SCAF8: variants seen among roughly 807,000 people sequenced by gnomAD.
SCAF8 encodes the protein SR-related and CTD-associated factor 8.
A neutral mutation model predicts 140.5 loss-of-function variants in SCAF8; 23 were observed. The observed-to-expected ratio is 0.16, with a 90% CI of 0.12 to 0.23. The LOEUF is 0.23. Ranked by LOEUF, SCAF8 falls within the 10% of genes least tolerant of loss-of-function variation. The pLI is 1.00. For synonymous variants in SCAF8, 575 were observed against 528.9 expected (o/e 1.09, Z -1.20); for missense variants, 1,397 against 1,555.7 (o/e 0.90, Z 1.72).
Position 154,789,771 on chromosome 6 carries a change from T to C in SCAF8, c.321+1749T>C, listed in dbSNP as rs538954285. On this transcript the variant is annotated intron_variant, in intron 4 of 19. Transcript: ENST00000367178. ...CGTGTTAGCCAGGATGGTCTCGATCTCCTGACCTCGTGATCCGCCTGCCTT... is the reference window on the plus strand; with the variant it reads ...CGTGTTAGCCAGGATGGTCTCGATCCCCTGACCTCGTGATCCGCCTGCCTT... Among the ~76,000 whole-genome samples the C allele has an allele frequency of 2.0e-5, 3 of 152,220 alleles. No individual in the cohort carries two copies. In the South Asian group the frequency reaches 6.2e-4, roughly 32 times the overall value.
intron 1 of SCAF8, among the ~76,000 whole-genome samples, chr6:154,765,155 T>G (rs1317103314): frequency 1.3e-5 from 2 of 152,178 alleles, no homozygotes; most frequent in Non-Finnish European, 2.9e-5. Context: ...GTACTGGTTG[T>G]TAGTTATAGT....
intron 17 of SCAF8, among the ~76,000 whole-genome samples, chr6:154,826,445 G>C (rs1583070832): frequency 6.6e-6 from 1 of 152,206 alleles, no homozygotes; most frequent in East Asian, 1.9e-4. Context: ...TTATAATTAG[G>C]ATTGTGAGAG....
In SCAF8 at chr6:154,795,024, C is replaced by T. The variant is rs1368032090; in HGVS notation, c.491C>T (p.Pro164Leu). 4 of 1,604,846 alleles carry T rather than the reference C, an allele frequency of 2.5e-6. No individual in the cohort carries two copies. The highest frequency in any genetic ancestry group is 2.5e-6 in the Non-Finnish European group (3 of 1,177,104). ...TTTTTAAAAGGAACTCCTGTGACACCTGTTACTCCGGCCAATGTGGTCCAA... is the reference window on the plus strand; with the variant it reads ...TTTTTAAAAGGAACTCCTGTGACACTTGTTACTCCGGCCAATGTGGTCCAA... ...MSNTPGTPVTPVTPANVVQGL... is the reference protein window; with the variant it reads ...MSNTPGTPVTLVTPANVVQGL... Residue 164 changes from proline (P) to leucine (L), a missense_variant, in exon 6 of 20, where the codon CCT becomes CTT. By Grantham distance (98) the Pro-to-Leu change is moderately conservative. This residue lies in a region of SCAF8 where 339 missense variants were observed against 407.5 expected (regional missense o/e 0.83). Coordinates refer to ENST00000367178, the MANE Select transcript of SCAF8 (RefSeq NM_014892.5).
intron 6 of SCAF8, among the ~76,000 whole-genome samples, chr6:154,798,706 G>T (rs778819653): frequency 6.6e-6 from 1 of 151,316 alleles, no homozygotes; most frequent in Non-Finnish European, 1.5e-5. Flanking sequence ...ACTTCAGGTA[G>T]CATGACCCTT....
chr6:154,737,866 G>A (rs767048156), intron 1 of SCAF8, among the ~76,000 whole-genome samples: 32 of 152,154 alleles, frequency 2.1e-4, no homozygotes, highest in Admixed American at 5.2e-4. Context: ...ACAGGCCTAA[G>A]CCGTGGTGCC....
In SCAF8 at chr6:154,832,846, A is replaced by G. The variant is rs1386739932; in HGVS notation, c.3267A>G (p.Pro1089=). The part of the protein sequence containing the change: ...LGRRDHFGFN[P]EKPWGHRGDF... Reference sequence around the variant, plus strand: ...GAAGAGACCACTTTGGCTTTAATCCAGAGAAGCCCTGGGGGCATAGAGGAG... The same window carrying G: ...GAAGAGACCACTTTGGCTTTAATCCGGAGAAGCCCTGGGGGCATAGAGGAG... Residue 1089 remains proline (P), a synonymous_variant, in exon 20 of 20, where the codon CCA becomes CCG. Transcript: ENST00000367178. 1 of 1,614,066 alleles carries G rather than the reference A, an allele frequency of 6.2e-7. No individual in the cohort carries two copies. The highest frequency in any genetic ancestry group is 8.5e-7 in the Non-Finnish European group (1 of 1,180,006).
intron 1 of SCAF8, among the ~76,000 whole-genome samples, chr6:154,773,312 G>C (rs1776825071): frequency 1.3e-5 from 2 of 152,130 alleles, no homozygotes; most frequent in Admixed American, 6.6e-5. Context: ...ATAATATGCT[G>C]CCTTTTTCAC....
chr6:154,735,198 A>G (rs973072978), intron 1 of SCAF8, among the ~76,000 whole-genome samples: 4 of 152,038 alleles, frequency 2.6e-5, no homozygotes, highest in Non-Finnish European at 4.4e-5. Context: ...ATGAACTCTT[A>G]AAGTGCCAAT....
At chr6:154,744,359 T>C (rs935458579) in intron 1 of SCAF8, among the ~76,000 whole-genome samples, 1 of 152,112 alleles carries the variant, frequency 6.6e-6, no homozygotes, top group African/African-American at 2.4e-5. Context: ...CACAAGTCTA[T>C]GTACCTACTG....
In SCAF8 at chr6:154,769,216, A is replaced by G. The variant is rs185813972; in HGVS notation, c.31-4773A>G. On this transcript the variant is annotated intron_variant, in intron 1 of 19. Transcript: ENST00000367178. ...AGTAACTTGAGTGTCTGCAGTGGGT[A>G]CATTTTTAAGGAAGAGTCTTAGATA... Among the ~76,000 whole-genome samples, 457 of 152,324 alleles carry G rather than the reference A, an allele frequency of 3.0e-3. 5 individuals are homozygous for G. Among genetic ancestry groups the G allele is most frequent in the African/African-American group, 0.011 (445 of 41,572 alleles).
At chr6:154,770,382 A>ACTCTCTCTCTCT in intron 1 of SCAF8, among the ~76,000 whole-genome samples, 1 of 138,324 alleles carries the variant, frequency 7.2e-6, no homozygotes, top group African/African-American at 3.1e-5. Flanking sequence ...ACACACACAC[A>ACTCTCTCTCTCT]CACACACTCT....
At chr6:154,798,324 T>G (rs1777667891) in intron 6 of SCAF8, among the ~76,000 whole-genome samples, 1 of 151,458 alleles carries the variant, frequency 6.6e-6, no homozygotes. Context: ...AATTTGTTTT[T>G]TAAAGGATGA....
chr6:154,762,302 T>G (rs1474178018), intron 1 of SCAF8, among the ~76,000 whole-genome samples: 1 of 152,224 alleles, frequency 6.6e-6, no homozygotes, highest in East Asian at 1.9e-4. Flanking sequence ...GGGCTCCCAT[T>G]TGAAACTTCG....
intron 1 of SCAF8, among the ~76,000 whole-genome samples, chr6:154,740,045 T>C (rs1306015762): frequency 6.6e-6 from 1 of 152,332 alleles, no homozygotes; most frequent in Non-Finnish European, 1.5e-5. Flanking sequence ...TTTCCTATTA[T>C]CATTTTCTAG....
At chr6:154,823,929 C>T (rs763953569) in intron 16 of SCAF8, among the ~76,000 whole-genome samples, 3 of 152,124 alleles carry the variant, frequency 2.0e-5, no homozygotes, top group African/African-American at 7.2e-5. Flanking sequence ...ACAGGTATTA[C>T]TGAGTGGGAG....
intron 1 of SCAF8, among the ~76,000 whole-genome samples, chr6:154,754,805 A>G (rs1322489193): frequency 6.6e-6 from 1 of 152,060 alleles, no homozygotes; most frequent in African/African-American, 2.4e-5. Context: ...CTTTTCAACT[A>G]TTATCTCTTC....
chr6:154,783,833 C>T (rs1358869328), intron 3 of SCAF8, among the ~76,000 whole-genome samples: 1 of 151,868 alleles, frequency 6.6e-6, no homozygotes, highest in African/African-American at 2.4e-5. Context: ...TTTGGGAGGC[C>T]GAGGTGGGCA....
chr6:154,809,912 T>C (rs1778040015), intron 11 of SCAF8, 103 bp from the exon 12 acceptor site: 1 of 954,574 alleles, frequency 1.0e-6, no homozygotes, highest in Non-Finnish European at 1.6e-6. Flanking sequence ...TGTCACTAAA[T>C]ATAAGACAAC....
intron 13 of SCAF8, among the ~76,000 whole-genome samples, chr6:154,817,648 T>A (rs530011838): frequency 2.0e-5 from 3 of 152,322 alleles, no homozygotes; most frequent in African/African-American, 4.8e-5. Context: ...AGTTTGATAT[T>A]AATATTAAAG....
Sources: gnomAD v4.1 joint callset for allele counts (sites outside exome capture counted in the v4.1 genomes callset) on GRCh38, gnomAD v4.1.1 for gene constraint, gnomAD v4.1.1 regional missense constraint, MANE v1.5 for transcripts, NCBI Gene and HGNC (gene_info 2026-07-23, HGNC 2026-07-21) for gene names.